The following GALNT14 variants were observed in gnomAD, a reference collection of about 807,000 sequenced individuals.
GALNT14 encodes UDP-GalNAc:polypeptide N-acetylgalactosaminyltransferase 14.
Under a neutral mutation model 77.5 loss-of-function variants are expected in GALNT14, and 60 were observed. That is an observed-to-expected ratio of 0.77 (90% CI 0.63 to 0.96). The LOEUF is 0.96. Among genes scored for constraint, GALNT14 ranks in the 40% least tolerant of loss-of-function variants. The pLI, the probability that GALNT14 is intolerant of heterozygous loss-of-function variation, is 0.00. For missense variants in GALNT14, 710 were observed against 731.0 expected (o/e 0.97, Z 0.33); for synonymous variants, 280 against 281.7 (o/e 0.99, Z 0.06).
At chr2:31,101,917 G>C (rs1018508756) in intron 1 of GALNT14, among the ~76,000 whole-genome samples, 2 of 151,956 alleles carry the variant, frequency 1.3e-5, no homozygotes, top group African/African-American at 2.4e-5. Flanking sequence ...GTTTTATAAG[G>C]GGCTTCCCCA....
intron 13 of GALNT14, among the ~76,000 whole-genome samples, chr2:30,917,643 C>T (rs930428419): frequency 6.6e-6 from 1 of 152,232 alleles, no homozygotes; most frequent in South Asian, 2.1e-4. Context: ...AAGGGCCAGG[C>T]CTGGTGCTAG....
At chr2:30,985,435 T>G (rs1381370763) in intron 2 of GALNT14, among the ~76,000 whole-genome samples, 1 of 151,938 alleles carries the variant, frequency 6.6e-6, no homozygotes, top group East Asian at 2.0e-4. Context: ...CCAGAGGCCC[T>G]TGCTAACTCC....
chr2:30,996,478 G>C (rs958115326), intron 1 of GALNT14, among the ~76,000 whole-genome samples: 2 of 152,238 alleles, frequency 1.3e-5, no homozygotes, highest in Non-Finnish European at 2.9e-5. Context: ...GCCTCCCTGT[G>C]CTGGAGAGGC....
intron 2 of GALNT14, among the ~76,000 whole-genome samples, chr2:30,981,832 G>T (rs563603036): frequency 6.6e-6 from 1 of 152,212 alleles, no homozygotes; most frequent in South Asian, 2.1e-4. Flanking sequence ...CTCATGTTAC[G>T]TGGGAGGAAA....
At chr2:30,956,770 G>C (rs1310129906) in intron 4 of GALNT14, among the ~76,000 whole-genome samples, 1 of 152,194 alleles carries the variant, frequency 6.6e-6, no homozygotes, top group Non-Finnish European at 1.5e-5. Context: ...GCCTCCCAAA[G>C]TGCTAGAATT....
chr2:31,085,566 TG>T, intron 1 of GALNT14, among the ~76,000 whole-genome samples: 1 of 152,352 alleles, frequency 6.6e-6, no homozygotes, highest in East Asian at 1.9e-4. Flanking sequence ...CCACGGCACC[TG>T]GGAAAACTCA....
chr2:31,021,900 C>T (rs1241309129), intron 1 of GALNT14, among the ~76,000 whole-genome samples: 1 of 152,206 alleles, frequency 6.6e-6, no homozygotes, highest in Non-Finnish European at 1.5e-5. Flanking sequence ...CCTTTCACTT[C>T]TCTAGAAATT....
At chr2:31,029,231 A>G (rs1378348702) in intron 1 of GALNT14, among the ~76,000 whole-genome samples, 1 of 152,196 alleles carries the variant, frequency 6.6e-6, no homozygotes, top group Non-Finnish European at 1.5e-5. Flanking sequence ...GACAAGCTCT[A>G]TGACTCTTAT....
In GALNT14 at chr2:31,100,306, G is replaced by C. The variant is rs112319681; in HGVS notation, c.129+37652C>G. Among the ~76,000 whole-genome samples the C allele has an allele frequency of 1.9e-3, 288 of 152,004 alleles. 4 individuals are homozygous for C. The highest frequency in any genetic ancestry group is 6.6e-3 in the African/African-American group (272 of 41,502). On this transcript the variant is annotated intron_variant, in intron 1 of 14. Coordinates refer to ENST00000349752, the MANE Select transcript of GALNT14 (RefSeq NM_024572.4). ...AACCAGTTTTGTTACATGTCATTTT[G>C]CTTAAAGTTGCAGTTTCCAAGAACC...
At chr2:30,947,332 A>G (rs908594330) in intron 6 of GALNT14, among the ~76,000 whole-genome samples, 1 of 152,192 alleles carries the variant, frequency 6.6e-6, no homozygotes, top group South Asian at 2.1e-4. Flanking sequence ...GAACAGGCCT[A>G]TCTCTAGCTT....
intron 1 of GALNT14, chr2:31,079,146 G>A (rs1391587946): frequency 2.4e-5 from 23 of 971,984 alleles, no homozygotes; most frequent in Non-Finnish European, 1.1e-5. Context: ...CAGCTTGTTT[G>A]AACCCAGTGC....
At chr2:31,095,902 T>C (rs913565596) in intron 1 of GALNT14, among the ~76,000 whole-genome samples, 1 of 152,178 alleles carries the variant, frequency 6.6e-6, no homozygotes, top group Admixed American at 6.5e-5. Context: ...ATATTTATTA[T>C]CCTGCCTAGA....
At chr2:31,114,966 G>A (rs1340098604) in intron 1 of GALNT14, 7 of 608,458 alleles carry the variant, frequency 1.2e-5, no homozygotes, top group Non-Finnish European at 2.1e-5. Flanking sequence ...AACCATCCAG[G>A]CCAGGCACAG....
At chr2:31,095,128 A>G (rs1357037882) in intron 1 of GALNT14, among the ~76,000 whole-genome samples, 1 of 152,200 alleles carries the variant, frequency 6.6e-6, no homozygotes, top group Non-Finnish European at 1.5e-5. Flanking sequence ...GTGGGAGTGG[A>G]AAAAGTAAAA....
At chr2:30,897,101 C>T in the GALNT14 span, among the ~76,000 whole-genome samples, 1 of 152,180 alleles carries the variant, frequency 6.6e-6, no homozygotes, top group Non-Finnish European at 1.5e-5. Context: ...AGGTCCCCTT[C>T]CCAGCTTTAC....
intron 6 of GALNT14, among the ~76,000 whole-genome samples, chr2:30,954,765 G>T (rs1480172772): frequency 6.6e-6 from 1 of 152,226 alleles, no homozygotes; most frequent in African/African-American, 2.4e-5. Context: ...TGCTGTTGAG[G>T]TAACGCCAGC....
chr2:31,122,833 G>A lies in GALNT14; in HGVS notation c.129+15125C>T, dbSNP rs181652261. 2.3e-3 allele frequency among the ~76,000 whole-genome samples: 356 copies of A among 152,166 alleles called. 3 individuals carry two copies. Among genetic ancestry groups the A allele is most frequent in the African/African-American group, 7.6e-3 (314 of 41,498 alleles). On this transcript the variant is annotated intron_variant, in intron 1 of 14. Coordinates refer to ENST00000349752, the MANE Select transcript of GALNT14 (RefSeq NM_024572.4). Reference sequence around the variant, plus strand: ...GTCTCCATCACAACTATTCAACTTGGCCATTGTAGCCTAAAAGCAACCATA... The same window carrying A: ...GTCTCCATCACAACTATTCAACTTGACCATTGTAGCCTAAAAGCAACCATA...
chr2:30,950,123 G>A (rs957771333), intron 6 of GALNT14, among the ~76,000 whole-genome samples: 1 of 152,198 alleles, frequency 6.6e-6, no homozygotes, highest in Non-Finnish European at 1.5e-5. Flanking sequence ...GAGGAAACAA[G>A]AGAGAAAGGC....
chr2:31,052,503 G>A (rs4952045), intron 1 of GALNT14, among the ~76,000 whole-genome samples: 4 of 152,016 alleles, frequency 2.6e-5, no homozygotes, highest in Non-Finnish European at 4.4e-5. Flanking sequence ...TGCTCCCCAC[G>A]GAAGCCTGGC....
Sources: allele counts gnomAD v4.1 joint callset (sites outside exome capture counted in the v4.1 genomes callset), GRCh38; gene constraint gnomAD v4.1.1; transcripts MANE v1.5; gene names NCBI Gene and HGNC (gene_info 2026-07-23, HGNC 2026-07-21).